TMEM182: variants seen among roughly 807,000 people sequenced by gnomAD.
TMEM182 encodes transmembrane protein 182.
TMEM182 carries 20 observed loss-of-function variants against 26.8 expected under a neutral mutation model. The observed-to-expected ratio is 0.75, with a 90% CI of 0.53 to 1.09. The LOEUF is 1.09. TMEM182 is among the 50% of genes least tolerant of loss of function. The pLI is 0.00. For missense variants in TMEM182, 277 were observed against 275.5 expected, an observed-to-expected ratio of 1.01 and a Z score of -0.04; for synonymous variants, 109 against 102.2, an observed-to-expected ratio of 1.07 and a Z score of -0.40.
intron 1 of TMEM182, among the ~76,000 whole-genome samples, chr2:102,743,993 C>T (rs1195560055): frequency 2.0e-5 from 3 of 152,108 alleles, no homozygotes; most frequent in African/African-American, 7.2e-5. Flanking sequence ...GACAAATCCA[C>T]GATTACAGTT....
intron 1 of TMEM182, among the ~76,000 whole-genome samples, chr2:102,752,609 C>T (rs966150418): frequency 5.3e-5 from 8 of 152,320 alleles, no homozygotes; most frequent in Admixed American, 4.6e-4. Flanking sequence ...ACTCTGGTTA[C>T]AGCAACGTGT....
At chr2:102,763,389 T>C (rs144200481) in intron 2 of TMEM182, among the ~76,000 whole-genome samples, 339 of 152,352 alleles carry the variant, frequency 2.2e-3, no homozygotes, top group African/African-American at 7.8e-3. Flanking sequence ...TTTCATTGTA[T>C]TCAACAATGA....
At chr2:102,832,159 T>C (rs1683165807) in intron 3 of TMEM182, among the ~76,000 whole-genome samples, 1 of 152,204 alleles carries the variant, frequency 6.6e-6, no homozygotes, top group African/African-American at 2.4e-5. Flanking sequence ...TTTATTCCAC[T>C]ATGCCATTTT....
At chr2:102,821,300 T>C (rs961222280), downstream of TMEM182, among the ~76,000 whole-genome samples, 2 of 152,208 alleles carry the variant, frequency 1.3e-5, no homozygotes, top group African/African-American at 4.8e-5. Context: ...TGAATTATAA[T>C]CCCCAATGTT....
Position 102,745,427 on chromosome 2 carries a change from G to A in TMEM182, c.-83+8414G>A, listed in dbSNP as rs541822085. Among the ~76,000 whole-genome samples, 14 of 152,104 alleles carry A rather than the reference G, an allele frequency of 9.2e-5. No individual in the cohort carries two copies. The East Asian group carries it at 2.5e-3, about 27-fold the overall frequency. On this transcript the variant is annotated intron_variant, in intron 1 of 5. Coordinates refer to the TMEM182 transcript ENST00000409173. ...ATAGGAGTCATATCTGGGTTTGCTT[G>A]TAATAATTCCTTTGTCTCTCAGACC...
At chr2:102,814,329 G>A (rs1187392355) in intron 4 of TMEM182, among the ~76,000 whole-genome samples, 2 of 151,780 alleles carry the variant, frequency 1.3e-5, no homozygotes, top group Non-Finnish European at 2.9e-5. Context: ...GGTGGTAAGT[G>A]TACCTATTTC....
chr2:102,763,580 T>C (rs1162494353), intron 2 of TMEM182, among the ~76,000 whole-genome samples: 1 of 152,178 alleles, frequency 6.6e-6, no homozygotes, highest in Non-Finnish European at 1.5e-5. Flanking sequence ...AAAGTAGTGA[T>C]GAAGCAGCGT....
At chr2:102,767,367 T>A (rs1272308068) in intron 3 of TMEM182, among the ~76,000 whole-genome samples, 1 of 152,172 alleles carries the variant, frequency 6.6e-6, no homozygotes, top group Non-Finnish European at 1.5e-5. Context: ...CTTGTGTACT[T>A]CTAAGTGCAT....
intron 1 of TMEM182, 84 bp from the exon 2 acceptor site, chr2:102,762,503 A>G (rs1429788976): frequency 8.5e-6 from 13 of 1,538,062 alleles, no homozygotes; most frequent in South Asian, 3.6e-5. Context: ...GATAAAATAC[A>G]TGTCCTTAAA....
intron 3 of TMEM182, among the ~76,000 whole-genome samples, chr2:102,780,498 T>C (rs1681120927): frequency 6.6e-6 from 1 of 152,136 alleles, no homozygotes; most frequent in African/African-American, 2.4e-5. Flanking sequence ...GAGGGCATTA[T>C]GCAGTGGGGG....
At chr2:102,753,870 C>A (rs1679956826) in intron 1 of TMEM182, among the ~76,000 whole-genome samples, 2 of 152,112 alleles carry the variant, frequency 1.3e-5, no homozygotes, top group South Asian at 4.1e-4. Flanking sequence ...AAACAAAAAC[C>A]GAACCACTTA....
chr2:102,810,557 G>A (rs1472547789), intron 4 of TMEM182, among the ~76,000 whole-genome samples: 2 of 152,120 alleles, frequency 1.3e-5, no homozygotes, highest in African/African-American at 4.8e-5. Flanking sequence ...GAGAACCCAT[G>A]CAAAATTATA....
At chr2:102,775,594 A>G (rs1458433871) in intron 3 of TMEM182, 1 of 152,212 alleles carries the variant, frequency 6.6e-6, no homozygotes, top group Non-Finnish European at 1.5e-5. Context: ...AGAGGAAGTC[A>G]AATTGTCCCT....
At position 102,797,878 on chromosome 2, in the gene TMEM182, G is replaced by A; in HGVS notation, c.347G>A (p.Trp116Ter). 1 of 1,613,310 alleles carries A rather than the reference G, an allele frequency of 6.2e-7. No homozygotes were observed. The highest frequency in any genetic ancestry group is 1.3e-5 in the African/African-American group (1 of 74,898). Residue 116 changes from tryptophan (W) to a stop codon, truncating the protein, a stop_gained, in exon 4 of 5, where the codon TGG becomes TAG. Coordinates refer to ENST00000412401, the MANE Select transcript of TMEM182 (RefSeq NM_144632.5). LOFTEE classifies it high-confidence loss of function. The part of the protein sequence containing the change: ...YDSAVIYRGF[W>*]AVLMLLGVVA... ...GGGTCTCCAGTTTACCGTGGTTTCT[G>A]GGCAGTCCTGATGCTCCTGGGGGTA...
chr2:102,819,408 A>G (rs1682861866), downstream of TMEM182, among the ~76,000 whole-genome samples: 1 of 152,194 alleles, frequency 6.6e-6, no homozygotes, highest in South Asian at 2.1e-4. Flanking sequence ...TTTTTCTCAA[A>G]AACTTTTGTG....
chr2:102,740,989 T>C (rs1365864049), intron 1 of TMEM182, among the ~76,000 whole-genome samples: 4 of 152,232 alleles, frequency 2.6e-5, no homozygotes, highest in Non-Finnish European at 5.9e-5. Flanking sequence ...ATTCCTTTCA[T>C]ATAAAAATTA....
chr2:102,765,896 C>G (rs1322619318), intron 3 of TMEM182, among the ~76,000 whole-genome samples: 1 of 152,142 alleles, frequency 6.6e-6, no homozygotes, highest in Non-Finnish European at 1.5e-5. Context: ...TGTGTCATGT[C>G]TAATGGACTT....
chr2:102,821,602 T>G (rs963595921), downstream of TMEM182, among the ~76,000 whole-genome samples: 1 of 152,218 alleles, frequency 6.6e-6, no homozygotes, highest in African/African-American at 2.4e-5. Context: ...CTTTTCTTTA[T>G]AAATCACACA....
intron 4 of TMEM182, among the ~76,000 whole-genome samples, chr2:102,813,699 C>G (rs1682635464): frequency 6.6e-6 from 1 of 152,176 alleles, no homozygotes; most frequent in Non-Finnish European, 1.5e-5. Context: ...TGGGAAAGGA[C>G]ATGCTTAGTG....
Sources: gnomAD v4.1 joint callset for allele counts (sites outside exome capture counted in the v4.1 genomes callset) on GRCh38, gnomAD v4.1.1 for gene constraint, MANE v1.5 for transcripts, NCBI Gene and HGNC (gene_info 2026-07-23, HGNC 2026-07-21) for gene names.